Variants in XKR5 observed in about 807,000 individuals in gnomAD.
XKR5 encodes the protein XK related 5, also known as XK-related protein 5.
A neutral mutation model predicts 40.8 loss-of-function variants in XKR5; 46 were observed. That is an observed-to-expected ratio of 1.13 (90% CI 0.89 to 1.44). The LOEUF is 1.44. Ranked by LOEUF, XKR5 falls within the 40% of genes most tolerant of loss-of-function variation. The probability of loss-of-function intolerance (pLI) is 0.00; values close to 1 mark genes in which losing one functional copy is unlikely to be tolerated. For synonymous variants in XKR5, 466 were observed against 356.1 expected, an observed-to-expected ratio of 1.31 and a Z score of -3.48; for missense variants, 1,169 against 844.7, an observed-to-expected ratio of 1.38 and a Z score of -4.76.
rs140022125 is a variant in XKR5, at chr8:6,815,042, G to T, written c.919+765C>A. The stretch of plus-strand genomic sequence containing the variant: ...TGTTGCAGAGGACTGGGGAATCTCT[G>T]TCCTGGCCCATGTTGCAGAAGCACG... On this transcript the variant is annotated intron_variant, in intron 6 of 6. Coordinates refer to ENST00000618742, the MANE Select transcript of XKR5 (RefSeq NM_207411.5). 9.3e-3 allele frequency among the ~76,000 whole-genome samples: 1,414 copies of T among 152,354 alleles called. 16 individuals are homozygous for T. Among genetic ancestry groups the T allele is most frequent in the Middle Eastern group, 0.031 (9 of 294 alleles).
chr8:6,815,669 C>G (rs1347064231), intron 6 of XKR5, 138 bp downstream of exon 6: 6 of 619,274 alleles, frequency 9.7e-6, no homozygotes, highest in African/African-American at 7.4e-5. Flanking sequence ...GGCTCTGCCC[C>G]CCACATCGCA....
intron 5 of XKR5, among the ~76,000 whole-genome samples, chr8:6,816,127 C>T (rs1803949197): frequency 6.6e-6 from 1 of 152,014 alleles, no homozygotes; most frequent in African/African-American, 2.4e-5. Flanking sequence ...CAGGGTGGCT[C>T]ATTAAAGTGT....
intron 2 of XKR5, among the ~76,000 whole-genome samples, chr8:6,829,012 G>A (rs764338758): frequency 6.6e-6 from 1 of 152,116 alleles, no homozygotes; most frequent in Admixed American, 6.6e-5. Context: ...TGTCGGAAAC[G>A]CCTGTTCCCT....
At chr8:6,825,985 G>C (rs550066315) in intron 2 of XKR5, among the ~76,000 whole-genome samples, 1 of 152,276 alleles carries the variant, frequency 6.6e-6, no homozygotes, top group East Asian at 1.9e-4. Flanking sequence ...TCAGGCTATG[G>C]GGTTTGGATT....
chr8:6,815,927 C>A lies in XKR5; in HGVS notation c.808-9G>T. 6.3e-7 allele frequency: 1 copy of A among 1,585,580 alleles called. No individual in the cohort carries two copies. The highest frequency in any genetic ancestry group is 8.6e-7 in the Non-Finnish European group (1 of 1,165,066). On this transcript the variant is annotated splice_polypyrimidine_tract_variant and intron_variant, in intron 5 of 6. Transcript: ENST00000618742. ...TTCTCCAACAGCATGACCTGCGGGA[C>A]CCAGGACAGAGGCACCACACCTCGT...
At chr8:6,812,443 T>A in intron 6 of XKR5, 104 bp from the exon 7 acceptor site, 1 of 1,250,454 alleles carries the variant, frequency 8.0e-7, no homozygotes. Context: ...AGGAAGATAA[T>A]TTGGGATCCA....
rs748610926 is a variant in XKR5, at chr8:6,832,809, C to T, written c.150G>A (p.Gln50=). 1.1e-5 allele frequency: 18 copies of T among 1,612,836 alleles called. No individual in the cohort carries two copies. The highest frequency in any genetic ancestry group is 3.3e-5 in the South Asian group (3 of 90,732). The part of the protein sequence containing the change: ...LAVLLPGFLV[Q]ALSYLWFRAD... ...CTCGGAACCACAGGTAGCTCAGGGCCTGGACCAAGAACCCGGGCAGGAGGA... is the reference window on the plus strand; with the variant it reads ...CTCGGAACCACAGGTAGCTCAGGGCTTGGACCAAGAACCCGGGCAGGAGGA... Residue 50 remains glutamine (Q), a synonymous_variant, in exon 2 of 7, where the codon CAG becomes CAA. Coordinates refer to ENST00000618742, the MANE Select transcript of XKR5 (RefSeq NM_207411.5).
intron 6 of XKR5, among the ~76,000 whole-genome samples, chr8:6,812,776 G>A (rs1048332943): frequency 2.6e-5 from 4 of 152,184 alleles, no homozygotes; most frequent in Non-Finnish European, 5.9e-5. Context: ...TTACAAAGCT[G>A]GGGGAAGGGA....
At chr8:6,816,511 C>T (rs1803963779) in intron 5 of XKR5, among the ~76,000 whole-genome samples, 2 of 152,134 alleles carry the variant, frequency 1.3e-5, no homozygotes, top group South Asian at 4.2e-4. Context: ...TTTGTACGCC[C>T]ATCTGGGTCA....
intron 5 of XKR5, among the ~76,000 whole-genome samples, chr8:6,821,258 C>G (rs2117096180): frequency 6.6e-6 from 1 of 152,306 alleles, no homozygotes; most frequent in East Asian, 1.9e-4. Context: ...ACTGTCCTGC[C>G]AAAAGTGTCT....
intron 5 of XKR5, among the ~76,000 whole-genome samples, chr8:6,818,020 C>T (rs141932116): frequency 2.0e-5 from 3 of 152,354 alleles, no homozygotes; most frequent in African/African-American, 4.8e-5. Context: ...CCTCCTTCCT[C>T]CCTTTTTCTC....
chr8:6,835,415 GC>G lies in XKR5; in HGVS notation c.58+20del. ...GTTAGGGGCTGCAGGGGTGAGCACAGCCTCGGGCTGCCGCACTCACGCGCGC... is the reference window on the plus strand; with the variant it reads ...GTTAGGGGCTGCAGGGGTGAGCACAGCTCGGGCTGCCGCACTCACGCGCGC... On this transcript the variant is annotated intron_variant, in intron 1 of 6. Transcript: ENST00000618742. 1 of 1,466,092 alleles carries G rather than the reference GC, an allele frequency of 6.8e-7. No individual in the cohort carries two copies. 90.8% of individuals were successfully genotyped at this position (1,466,092 alleles called of 1,614,324 possible).
chr8:6,824,949 A>T (rs1804393294), intron 3 of XKR5, among the ~76,000 whole-genome samples: 1 of 152,216 alleles, frequency 6.6e-6, no homozygotes, highest in Non-Finnish European at 1.5e-5. Context: ...GGCTGACTTT[A>T]GAACATGACC....
At chr8:6,831,361 G>A (rs1445273446) in intron 2 of XKR5, among the ~76,000 whole-genome samples, 1 of 152,188 alleles carries the variant, frequency 6.6e-6, no homozygotes, top group Non-Finnish European at 1.5e-5. Flanking sequence ...AAATGCCTGT[G>A]GCTGCAAATA....
intron 1 of XKR5, among the ~76,000 whole-genome samples, chr8:6,833,998 A>C (rs1804885771): frequency 6.6e-6 from 1 of 152,174 alleles, no homozygotes; most frequent in Admixed American, 6.5e-5. Flanking sequence ...CTCCGCAGTC[A>C]GTAACTCCGC....
Position 6,812,180 on chromosome 8 carries a change from C to T in XKR5, c.1079G>A (p.Ser360Asn), listed in dbSNP as rs1240732881. The change falls in exon 7 of 7, where the codon AGC (serine) becomes AAC (asparagine). Residue 360 changes from serine to asparagine, a missense_variant. Ser to Asn is a conservative substitution (Grantham distance 46). Coordinates refer to ENST00000618742, the MANE Select transcript of XKR5 (RefSeq NM_207411.5). ...ACTTGCCCCTTGGCATGAGCCTGAG[C>T]TCTCGGTTCTCTTCCCAGCTAGATC... ...ATDLAGKRTE[S>N]SGSCQGASYE... is the part of the protein sequence containing the mutation. 6.4e-7 allele frequency: 1 copy of T among 1,551,788 alleles called. No individual in the cohort carries two copies. The highest frequency in any genetic ancestry group is 2.4e-5 in the East Asian group (1 of 40,924).
chr8:6,811,421 C>T lies in XKR5; in HGVS notation c.1838G>A (p.Ser613Asn), dbSNP rs757794741. The T allele has an allele frequency of 3.3e-6, 5 of 1,536,998 alleles. No homozygotes were observed. Among genetic ancestry groups the T allele is most frequent in the Admixed American group, 3.9e-5 (2 of 50,980 alleles). ...GTGPCRGFCP[S>N]AGFPGRTLSI... ...GAGGGTTCTTCCAGGGAAGCCTGCA[C>T]TGGGGCAGAAGCCTCTACATGGGCC... Residue 613 changes from serine to asparagine, a missense_variant, in exon 7 of 7, where the codon AGT (serine) becomes AAT (asparagine). Transcript: ENST00000618742.
intron 6 of XKR5, among the ~76,000 whole-genome samples, chr8:6,815,402 C>T (rs1383295414): frequency 1.3e-5 from 2 of 152,100 alleles, no homozygotes; most frequent in African/African-American, 2.4e-5. Flanking sequence ...GCCTCACCTT[C>T]CTCTCCTCCT....
chr8:6,811,170 C>A lies in XKR5; in HGVS notation c.*28G>T. 6.6e-7 allele frequency: 1 copy of A among 1,510,152 alleles called. No homozygotes were observed. The highest frequency in any genetic ancestry group is 1.2e-5 in the South Asian group (1 of 80,606). The allele number at this position is 1,510,152 out of a possible 1,614,324, so 93.5% of individuals were successfully genotyped here. A position where few individuals can be genotyped will look rare whatever the true frequency, so the allele number is the denominator to read the frequency against. ...CAAATGGCCAGCTTGGTTTGTCAGC[C>A]TGTTGTCTTATCCCACCATGACTGT... On this transcript the variant is annotated 3_prime_UTR_variant, in exon 7 of 7. Coordinates refer to ENST00000618742, the MANE Select transcript of XKR5 (RefSeq NM_207411.5).
Sources: gnomAD v4.1 joint callset for allele counts (sites outside exome capture counted in the v4.1 genomes callset) on GRCh38, gnomAD v4.1.1 for gene constraint, MANE v1.5 for transcripts, NCBI Gene and HGNC (gene_info 2026-07-23, HGNC 2026-07-21) for gene names.